Variants in MICOS10 observed in about 807,000 individuals in gnomAD.
The protein encoded by MICOS10 is MICOS complex subunit MIC10.
In MICOS10, 5 loss-of-function variants were observed where a neutral mutation model predicts 13.4. The observed-to-expected ratio is 0.37, with a 90% confidence interval of 0.20 to 0.78. MICOS10 has a LOEUF of 0.78. MICOS10 is among the 30% of genes least tolerant of loss of function. The pLI, the probability that MICOS10 is intolerant of heterozygous loss-of-function variation, is 0.47. For missense variants in MICOS10, 101 were observed against 94.6 expected, an observed-to-expected ratio of 1.07 and a Z score of -0.28; for synonymous variants, 35 against 33.6, an observed-to-expected ratio of 1.04 and a Z score of -0.15.
intron 2 of MICOS10, 114 bp downstream of exon 2, chr1:19,622,261 A>G (rs925356066): frequency 1.1e-5 from 8 of 711,544 alleles, no homozygotes; most frequent in Non-Finnish European, 1.9e-5. Flanking sequence ...CAACCCATCC[A>G]TTTATGGGGT....
intron 1 of MICOS10, among the ~76,000 whole-genome samples, chr1:19,599,030 A>C (rs1212518350): frequency 1.3e-5 from 2 of 151,772 alleles, no homozygotes; most frequent in East Asian, 3.9e-4. Flanking sequence ...GATTACAGGC[A>C]TGAGCCAATG....
intron 1 of MICOS10, among the ~76,000 whole-genome samples, chr1:19,612,472 C>T (rs2100289562): frequency 6.6e-6 from 1 of 151,906 alleles, no homozygotes; most frequent in African/African-American, 2.4e-5. Flanking sequence ...TCTGTAATCC[C>T]AGCACTTTGG....
chr1:19,598,750 T>C (rs1410229962), intron 1 of MICOS10, among the ~76,000 whole-genome samples: 1 of 152,070 alleles, frequency 6.6e-6, no homozygotes, highest in Non-Finnish European at 1.5e-5. Context: ...AACTACGAAA[T>C]GGTGATCAAA....
chr1:19,626,735 A>C lies in MICOS10; in HGVS notation c.*334A>C. The C allele has an allele frequency of 3.8e-6, 1 of 264,258 alleles. No homozygotes were observed. Among genetic ancestry groups the C allele is most frequent in the Non-Finnish European group, 7.5e-6 (1 of 133,610 alleles). The allele number at this position is 264,258 out of a possible 1,614,324, so 16.4% of individuals were successfully genotyped here. On this transcript the variant is annotated 3_prime_UTR_variant, in exon 4 of 4. Transcript: ENST00000322753. The stretch of plus-strand genomic sequence containing the variant: ...CCACCTGCTCACAGCCTCTCTGAGA[A>C]CCCCCTGAAACCAGTTGTTGGGTAT...
chr1:19,622,033 A>G, intron 1 of MICOS10, 67 bp from the exon 2 acceptor site: 1 of 1,172,116 alleles, frequency 8.5e-7, no homozygotes, highest in East Asian at 2.5e-5. Context: ...ACATTTAAGA[A>G]ATGTTAATGT....
chr1:19,625,897 A>G (rs897470398), intron 3 of MICOS10, among the ~76,000 whole-genome samples: 2 of 152,152 alleles, frequency 1.3e-5, no homozygotes, highest in African/African-American at 2.4e-5. Context: ...TCCTATTGTA[A>G]TAACTGCCTC....
At chr1:19,626,319 A>G in intron 3 of MICOS10, 68 bp from the exon 4 acceptor site, 1 of 1,605,566 alleles carries the variant, frequency 6.2e-7, no homozygotes, top group East Asian at 2.2e-5. Context: ...CTGACCTGAT[A>G]CAGCAATTAG....
chr1:19,623,476 A>G lies in MICOS10; in HGVS notation c.115A>G (p.Arg39Gly). The G allele has an allele frequency of 6.2e-7, 1 of 1,606,244 alleles. No homozygotes were observed. The highest frequency in any genetic ancestry group is 1.7e-5 in the Admixed American group (1 of 59,666). The change falls in exon 3 of 4, where the codon AGA becomes GGA. Residue 39 changes from arginine (R) to glycine (G), a missense_variant and splice_region_variant. Arg to Gly is a moderately radical substitution (Grantham distance 125, BLOSUM62 -2). Coordinates refer to ENST00000322753, the MANE Select transcript of MICOS10 (RefSeq NM_001032363.4). ...IVFSLTFFKR[R>G]MWPLAFGSGM... ...ATTTTCCCTTTTTTGCTCACTAGGA[A>G]GAATGTGGCCATTAGCCTTCGGTTC...
chr1:19,608,327 T>G (rs2094843554), intron 1 of MICOS10: 1 of 1,309,780 alleles, frequency 7.6e-7, no homozygotes, highest in Non-Finnish European at 1.1e-6. Flanking sequence ...ATCCTCGCCA[T>G]ATGCTGCTAT....
At chr1:19,626,006 C>T (rs1397711793) in intron 3 of MICOS10, among the ~76,000 whole-genome samples, 1 of 152,208 alleles carries the variant, frequency 6.6e-6, no homozygotes, top group Admixed American at 6.5e-5. Context: ...ATGTTACTAT[C>T]CTCATTCAGC....
At chr1:19,607,186 A>G (rs141604462) in intron 1 of MICOS10, among the ~76,000 whole-genome samples, 6 of 152,362 alleles carry the variant, frequency 3.9e-5, no homozygotes, top group Non-Finnish European at 8.8e-5. Flanking sequence ...TGTTTTATGT[A>G]TATTTAAACA....
chr1:19,608,323 G>T (rs878997873), intron 1 of MICOS10: 6 of 1,313,288 alleles, frequency 4.6e-6, no homozygotes, highest in Non-Finnish European at 6.6e-6. Flanking sequence ...ATGAATCCTC[G>T]CCATATGCTG....
Position 19,629,426 on chromosome 1 carries a change from T to A in MICOS10, c.*3025T>A, listed in dbSNP as rs1009577684. 2.0e-5 allele frequency: 3 copies of A among 152,254 alleles called. No homozygotes were observed. Among genetic ancestry groups the A allele is most frequent in the African/African-American group, 7.2e-5 (3 of 41,458 alleles). The allele number at this position is 152,254 out of a possible 1,614,324, so 9.4% of individuals were successfully genotyped here. The stretch of plus-strand genomic sequence containing the variant: ...TAATTTGGCCCAGAACAATATGTAT[T>A]TTGAGCTCATTTAGGTGAATGACTT... On this transcript the variant is annotated 3_prime_UTR_variant, in exon 4 of 4. Transcript: ENST00000322753.
chr1:19,609,693 T>C (rs1209346157), intron 1 of MICOS10, among the ~76,000 whole-genome samples: 1 of 152,228 alleles, frequency 6.6e-6, no homozygotes, highest in East Asian at 1.9e-4. Context: ...ATGAATACAT[T>C]TCAGAATCAT....
In MICOS10 at chr1:19,605,935, A is replaced by G. The variant is rs79153570; in HGVS notation, c.64+8826A>G. Reference sequence around the variant, plus strand: ...AATTGCTTGGTTGTGTGGCAATTCTATGTTTAGCATTCGAAGAAATTCATT... The same window carrying G: ...AATTGCTTGGTTGTGTGGCAATTCTGTGTTTAGCATTCGAAGAAATTCATT... On this transcript the variant is annotated intron_variant, in intron 1 of 3. Transcript: ENST00000322753. 2.6e-3 allele frequency among the ~76,000 whole-genome samples: 397 copies of G among 152,300 alleles called. 1 individual carries two copies. The highest frequency in any genetic ancestry group is 8.8e-3 in the African/African-American group (366 of 41,556).
chr1:19,623,245 T>G (rs943806565), intron 2 of MICOS10, among the ~76,000 whole-genome samples: 1 of 152,172 alleles, frequency 6.6e-6, no homozygotes, highest in African/African-American at 2.4e-5. Context: ...TCCTCAAACT[T>G]ATCAGCATAG....
intron 1 of MICOS10, chr1:19,608,339 T>G (rs1018450406): frequency 1.5e-6 from 2 of 1,295,854 alleles, no homozygotes; most frequent in South Asian, 2.4e-5. Context: ...TGCTGCTATG[T>G]TGACCACCCA....
intron 3 of MICOS10, 170 bp downstream of exon 3, chr1:19,623,753 C>T: frequency 1.8e-6 from 1 of 566,288 alleles, no homozygotes; most frequent in Non-Finnish European, 3.1e-6. Flanking sequence ...TGCTTTGGTG[C>T]TAAAGTCTCC....
At chr1:19,597,981 G>A (rs561887092) in intron 1 of MICOS10, 8 of 152,210 alleles carry the variant, frequency 5.3e-5, no homozygotes, top group Admixed American at 5.2e-4. Flanking sequence ...TGATATTTTT[G>A]TGTGGTAATC....
Sources: gnomAD v4.1 joint callset for allele counts (sites outside exome capture counted in the v4.1 genomes callset) on GRCh38, gnomAD v4.1.1 for gene constraint, MANE v1.5 for transcripts, NCBI Gene and HGNC (gene_info 2026-07-23, HGNC 2026-07-21) for gene names.